Variants in CASQ2 observed in about 807,000 individuals in gnomAD.
CASQ2 encodes the protein calsequestrin-2.
In CASQ2, 49 loss-of-function variants were observed where a neutral mutation model predicts 46.5. The observed-to-expected ratio is 1.05, with a 90% CI of 0.84 to 1.34. The LOEUF (loss-of-function observed/expected upper bound fraction) is 1.34, where lower values mean the gene tolerates loss of function less well. Among genes scored for constraint, CASQ2 ranks in the 40% most tolerant of loss-of-function variants. The probability of loss-of-function intolerance (pLI) is 0.00; values close to 1 mark genes in which losing one functional copy is unlikely to be tolerated. For synonymous variants in CASQ2, 174 were observed against 168.5 expected (o/e 1.03, Z -0.25); for missense variants, 486 against 481.3 (o/e 1.01, Z -0.09).
intron 6 of CASQ2, 24 bp downstream of exon 6, chr1:115,726,964 CCCAG>C: frequency 1.3e-6 from 2 of 1,511,146 alleles, no homozygotes; most frequent in Non-Finnish European, 9.1e-7. Flanking sequence ...ACCCCAGGCC[CCCAG>C]CCCCCACATG....
chr1:115,723,279 A>G (rs1469433535), intron 7 of CASQ2, among the ~76,000 whole-genome samples: 1 of 105,986 alleles, frequency 9.4e-6, no homozygotes, highest in Non-Finnish European at 1.9e-5. Flanking sequence ...TCTATCATCT[A>G]TCTATATCTC....
intron 1 of CASQ2, among the ~76,000 whole-genome samples, chr1:115,751,586 G>A (rs541861331): frequency 6.6e-6 from 1 of 152,150 alleles, no homozygotes; most frequent in African/African-American, 2.4e-5. Flanking sequence ...GTAGGAGAAT[G>A]GCGTGAGCCC....
chr1:115,732,817 A>C, intron 5 of CASQ2, 84 bp downstream of exon 5: 1 of 956,016 alleles, frequency 1.0e-6, no homozygotes, highest in Non-Finnish European at 1.7e-6. Context: ...ATGTTGCTAA[A>C]AGAAAAGAAA....
intron 1 of CASQ2, among the ~76,000 whole-genome samples, chr1:115,764,024 A>C (rs1246773322): frequency 6.6e-6 from 1 of 152,210 alleles, no homozygotes; most frequent in East Asian, 1.9e-4. Context: ...GACAGCATGC[A>C]AAATTGCAAC....
intron 1 of CASQ2, among the ~76,000 whole-genome samples, chr1:115,752,800 G>A (rs966889868): frequency 1.3e-5 from 2 of 152,214 alleles, no homozygotes; most frequent in African/African-American, 2.4e-5. Flanking sequence ...ATCTGAGTGC[G>A]TAGAGCAGAC....
In CASQ2 at chr1:115,742,448, T is replaced by C. The variant is rs942018367; in HGVS notation, c.320-1620A>G. On this transcript the variant is annotated intron_variant, in intron 2 of 10. Coordinates refer to ENST00000261448, the MANE Select transcript of CASQ2 (RefSeq NM_001232.4). ...CAAAATAAGGCAAATGGAAAAGAAA[T>C]GAAGATGAAGGAGCAGGTTCACAAA... 5.9e-5 allele frequency among the ~76,000 whole-genome samples: 9 copies of C among 152,182 alleles called. No homozygotes were observed. In the East Asian group the frequency reaches 1.7e-3, roughly 30 times the overall value.
intron 8 of CASQ2, among the ~76,000 whole-genome samples, chr1:115,707,280 G>C (rs986905174): frequency 3.3e-5 from 5 of 152,180 alleles, no homozygotes; most frequent in African/African-American, 1.2e-4. Flanking sequence ...TCCTGCCTCA[G>C]CTTTCCAAAG....
chr1:115,702,190 G>A (rs539602183), intron 10 of CASQ2, among the ~76,000 whole-genome samples: 2 of 151,732 alleles, frequency 1.3e-5, no homozygotes, highest in South Asian at 2.1e-4. Flanking sequence ...CCAAAGTGCT[G>A]GGATTACAGG....
intron 1 of CASQ2, among the ~76,000 whole-genome samples, chr1:115,747,946 TAC>T (rs1648444513): frequency 6.6e-6 from 1 of 152,204 alleles, no homozygotes; most frequent in Non-Finnish European, 1.5e-5. Context: ...TCTTTATCTT[TAC>T]TTACTGCACT....
At chr1:115,753,832 G>A (rs183143142) in intron 1 of CASQ2, among the ~76,000 whole-genome samples, 88 of 152,230 alleles carry the variant, frequency 5.8e-4, no homozygotes, top group African/African-American at 2.1e-3. Flanking sequence ...AAAGAAAAAG[G>A]AGGTGGTTAC....
chr1:115,742,168 T>C (rs1184048741), intron 2 of CASQ2, among the ~76,000 whole-genome samples: 1 of 152,010 alleles, frequency 6.6e-6, no homozygotes, highest in East Asian at 1.9e-4. Context: ...TGTGCTATGA[T>C]GCTGGCTAAT....
At chr1:115,702,109 G>T (rs1395600415) in intron 10 of CASQ2, among the ~76,000 whole-genome samples, 1 of 151,972 alleles carries the variant, frequency 6.6e-6, no homozygotes, top group Non-Finnish European at 1.5e-5. Context: ...TTTTAGTAGA[G>T]ATGGGGTTTC....
intron 1 of CASQ2, among the ~76,000 whole-genome samples, chr1:115,750,186 G>C (rs761945442): frequency 6.6e-6 from 1 of 152,222 alleles, no homozygotes; most frequent in Admixed American, 6.5e-5. Flanking sequence ...CAGTGACAAA[G>C]AGTTACATAC....
chr1:115,744,977 T>C (rs1648333728), intron 1 of CASQ2, 65 bp from the exon 2 acceptor site: 1 of 1,135,156 alleles, frequency 8.8e-7, no homozygotes, highest in Non-Finnish European at 1.3e-6. Context: ...TATTACAGGA[T>C]TACTATCCTC....
chr1:115,745,139 A>T (rs111608551), intron 1 of CASQ2, among the ~76,000 whole-genome samples: 2 of 152,312 alleles, frequency 1.3e-5, no homozygotes, highest in African/African-American at 4.8e-5. Context: ...AGCAGACCTA[A>T]GACAGAAAAT....
chr1:115,745,209 G>A (rs1648345923), intron 1 of CASQ2, among the ~76,000 whole-genome samples: 1 of 152,152 alleles, frequency 6.6e-6, no homozygotes, highest in African/African-American at 2.4e-5. Context: ...ATAAAACCTG[G>A]ATCGGGAGAA....
intron 4 of CASQ2, among the ~76,000 whole-genome samples, chr1:115,737,502 C>T (rs1160689819): frequency 6.6e-6 from 1 of 152,176 alleles, no homozygotes; most frequent in Non-Finnish European, 1.5e-5. Context: ...GGCTGAGATA[C>T]CAGAAAAAAG....
chr1:115,716,006 G>A (rs549651404), intron 8 of CASQ2, among the ~76,000 whole-genome samples: 6 of 152,288 alleles, frequency 3.9e-5, no homozygotes, highest in South Asian at 2.1e-4. Context: ...TCTCCAAACC[G>A]CTGTTTCCTG....
At chr1:115,706,641 T>G (rs188312942) in intron 8 of CASQ2, among the ~76,000 whole-genome samples, 2 of 152,390 alleles carry the variant, frequency 1.3e-5, no homozygotes, top group East Asian at 3.9e-4. Flanking sequence ...CTTGCATAGC[T>G]GAATTTGTGG....
Sources: allele counts gnomAD v4.1 joint callset (sites outside exome capture counted in the v4.1 genomes callset), GRCh38; gene constraint gnomAD v4.1.1; transcripts MANE v1.5; gene names NCBI Gene and HGNC (gene_info 2026-07-23, HGNC 2026-07-21).